The following KIF7 variants were observed in gnomAD, a reference collection of about 807,000 sequenced individuals.
KIF7 encodes the protein kinesin family member 7.
KIF7 carries 104 observed loss-of-function variants against 135.7 expected under a neutral mutation model. The ratio of observed to expected loss-of-function variants is 0.77; its 90% confidence interval spans 0.65 to 0.90. KIF7 has a LOEUF of 0.90. Among genes scored for constraint, KIF7 ranks in the 40% least tolerant of loss-of-function variants. The pLI, the probability that KIF7 is intolerant of heterozygous loss-of-function variation, is 0.00. For missense variants in KIF7, 2,005 were observed against 1,839.1 expected, an observed-to-expected ratio of 1.09 and a Z score of -1.65; for synonymous variants, 883 against 809.4, an observed-to-expected ratio of 1.09 and a Z score of -1.54.
At chr15:89,626,896 A>T, downstream of KIF7, 1 of 1,581,094 alleles carries the variant, frequency 6.3e-7, no homozygotes, top group Non-Finnish European at 8.6e-7. Context: ...ATTTAAGCCA[A>T]TTTTTTTCAG....
intron 15 of KIF7, chr15:89,630,792 G>A (rs1963657237): frequency 4.1e-6 from 2 of 492,980 alleles, no homozygotes; most frequent in Non-Finnish European, 7.5e-6. Flanking sequence ...GACAGCCACG[G>A]AGGCACCACG....
chr15:89,625,712 A>C (rs1963509896), downstream of KIF7: 1 of 1,613,022 alleles, frequency 6.2e-7, no homozygotes. Context: ...GAAGTTAGTA[A>C]GAGTAAAGAG....
chr15:89,645,857 G>A (rs1199417642), intron 8 of KIF7, 36 bp downstream of exon 8: 1 of 1,609,194 alleles, frequency 6.2e-7, no homozygotes, highest in African/African-American at 1.3e-5. Flanking sequence ...GCCCTGAGCA[G>A]GTCCTTGTCA....
Position 89,628,382 on chromosome 15 carries a change from C to G in KIF7, c.*37G>C, listed in dbSNP as rs147387691. 1.3e-6 allele frequency: 2 copies of G among 1,572,480 alleles called. No individual in the cohort carries two copies. The highest frequency in any genetic ancestry group is 2.4e-5 in the South Asian group (2 of 84,526). Reference sequence around the variant, plus strand: ...AGGCAGCTGCCCCTTTCAGCAGGCTCGGAGTCTCCCTCCAAGGCAGGGTCT... The same window carrying G: ...AGGCAGCTGCCCCTTTCAGCAGGCTGGGAGTCTCCCTCCAAGGCAGGGTCT... On this transcript the variant is annotated 3_prime_UTR_variant, in exon 19 of 19. Coordinates refer to ENST00000394412, the MANE Select transcript of KIF7 (RefSeq NM_198525.3).
intron 2 of KIF7, among the ~76,000 whole-genome samples, chr15:89,651,387 C>T (rs1178107994): frequency 5.9e-5 from 9 of 151,886 alleles, no homozygotes; most frequent in Admixed American, 5.2e-4. Flanking sequence ...TGTGAGCCAC[C>T]ACGCCCGGCT....
At position 89,647,700 on chromosome 15, in the gene KIF7, C is replaced by T. The variant is rs776875275; in HGVS notation, c.1456G>A (p.Ala486Thr). 5.8e-5 allele frequency: 91 copies of T among 1,577,242 alleles called. No individual in the cohort carries two copies. Among genetic ancestry groups the T allele is most frequent in the Non-Finnish European group, 7.6e-5 (88 of 1,163,862 alleles). ...TTCTGCAGGGTCAGCAGCTGCTGCG[C>T]CCCCTCATCCTCCTATAGGGCAGGG... ...GAGGRKEDEGAQQLLTLQNQV... is the reference protein window; with the variant it reads ...GAGGRKEDEGTQQLLTLQNQV... Residue 486 changes from alanine to threonine, a missense_variant, in exon 6 of 19, where the codon GCG (alanine) becomes ACG (threonine). Transcript: ENST00000394412.
At chr15:89,636,837 C>T (rs1171485030) in intron 11 of KIF7, among the ~76,000 whole-genome samples, 1 of 149,342 alleles carries the variant, frequency 6.7e-6, no homozygotes, top group Non-Finnish European at 1.5e-5. Context: ...ACCTAATAGA[C>T]ACCTACAGAA....
At chr15:89,625,021 C>T (rs1344185102), downstream of KIF7, 30 of 1,613,936 alleles carry the variant, frequency 1.9e-5, no homozygotes, top group Middle Eastern at 1.6e-4. Context: ...TTCTGGCCTT[C>T]CCAAACTTCG....
Position 89,648,695 on chromosome 15 carries a change from C to T in KIF7, c.1003G>A (p.Glu335Lys). Reference sequence around the variant, plus strand: ...GCGTAGTTGAGGGTGTTGAGGGTCTCGTCGAAGTCGGAGGAGGAAGGGCTG... The same window carrying T: ...GCGTAGTTGAGGGTGTTGAGGGTCTTGTCGAAGTCGGAGGAGGAAGGGCTG... ...CVSPSSSDFDETLNTLNYASR... is the reference protein window; with the variant it reads ...CVSPSSSDFDKTLNTLNYASR... Residue 335 changes from glutamate to lysine, a missense_variant, in exon 5 of 19, where the codon GAG becomes AAG. Transcript: ENST00000394412. 1 of 1,536,080 alleles carries T rather than the reference C, an allele frequency of 6.5e-7. No homozygotes were observed. Among genetic ancestry groups the T allele is most frequent in the Non-Finnish European group, 8.7e-7 (1 of 1,146,452 alleles).
chr15:89,658,839 G>A (rs1292729790), upstream of KIF7, among the ~76,000 whole-genome samples: 2 of 152,032 alleles, frequency 1.3e-5, no homozygotes, highest in Non-Finnish European at 2.9e-5. Context: ...ACTCCAGCCT[G>A]GGTGACAGAG....
At chr15:89,623,951 A>T (rs746968359), downstream of KIF7, 3 of 1,614,084 alleles carry the variant, frequency 1.9e-6, no homozygotes, top group Non-Finnish European at 2.5e-6. Flanking sequence ...ACTTGGCCAC[A>T]TTCAGTGAAT....
chr15:89,631,409 G>T lies in KIF7; in HGVS notation c.3111+86C>A. 3.2e-6 allele frequency: 4 copies of T among 1,246,500 alleles called. No homozygotes were observed. In the South Asian group the frequency reaches 4.2e-5, roughly 13 times the overall value. 77.2% of individuals were successfully genotyped at this position (1,246,500 alleles called of 1,614,324 possible). A position where few individuals can be genotyped will look rare whatever the true frequency, so the allele number is the denominator to read the frequency against. Reference sequence around the variant, plus strand: ...CTGCCGACAGCAAGGCCCAGCACCCGCAGAGGGCTGGAGCAAGGGCTGAGG... The same window carrying T: ...CTGCCGACAGCAAGGCCCAGCACCCTCAGAGGGCTGGAGCAAGGGCTGAGG... On this transcript the variant is annotated intron_variant, in intron 15 of 18. Transcript: ENST00000394412.
At chr15:89,624,556 G>T, downstream of KIF7, 1 of 1,613,728 alleles carries the variant, frequency 6.2e-7, no homozygotes, top group Non-Finnish European at 8.5e-7. Context: ...CAGCCCAGCT[G>T]CCCCCACAGA....
At chr15:89,658,978 G>T (rs528573256), upstream of KIF7, among the ~76,000 whole-genome samples, 75 of 152,244 alleles carry the variant, frequency 4.9e-4, no homozygotes, top group Admixed American at 2.5e-3. Flanking sequence ...TGGTAGGGGA[G>T]AGCTTTTAAA....
Position 89,652,629 on chromosome 15 carries a change from G to A in KIF7, c.302C>T (p.Thr101Ile). The A allele has an allele frequency of 6.5e-7, 1 of 1,540,408 alleles. No individual in the cohort carries two copies. The highest frequency in any genetic ancestry group is 8.8e-7 in the Non-Finnish European group (1 of 1,138,428). ...FAYGQTGSGK[T>I]YTMGEASVAS... The stretch of plus-strand genomic sequence containing the variant: ...CACACTGGCCTCCCCCATGGTGTAT[G>A]TCTTCCCTGAGCCCGTCTGACCATA... The change falls in exon 2 of 19, where the codon ACA becomes ATA. Residue 101 changes from threonine to isoleucine, a missense_variant. Physicochemically the swap from Thr to Ile is moderately conservative, Grantham distance 89 (BLOSUM62 -1). Coordinates refer to ENST00000394412, the MANE Select transcript of KIF7 (RefSeq NM_198525.3).
chr15:89,642,456 G>T, intron 10 of KIF7, 51 bp from the exon 11 acceptor site: 1 of 1,498,266 alleles, frequency 6.7e-7, no homozygotes, highest in Non-Finnish European at 9.0e-7. Context: ...CACCGAGAGG[G>T]CCAGCTGTTT....
At position 89,635,163 on chromosome 15, in the gene KIF7, A is replaced by G. The variant is rs554208132; in HGVS notation, c.2395-1280T>C. ...AACAAACAGAAAGGACATCCACACCAAAAACCCATCTGTACATCACCATCA... is the reference window on the plus strand; with the variant it reads ...AACAAACAGAAAGGACATCCACACCGAAAACCCATCTGTACATCACCATCA... On this transcript the variant is annotated intron_variant, in intron 11 of 18. Coordinates refer to ENST00000394412, the MANE Select transcript of KIF7 (RefSeq NM_198525.3). Among the ~76,000 whole-genome samples, 1,381 of 151,804 alleles carry G rather than the reference A, an allele frequency of 9.1e-3. 27 individuals carry two copies. The highest frequency in any genetic ancestry group is 0.032 in the African/African-American group (1,328 of 41,106).
chr15:89,632,648 C>T (rs960514788), intron 14 of KIF7, among the ~76,000 whole-genome samples, 172 bp downstream of exon 14: 7 of 152,112 alleles, frequency 4.6e-5, no homozygotes, highest in African/African-American at 1.7e-4. Context: ...CTGTCTAGAC[C>T]TCGCCTGGCA....
At chr15:89,618,235 T>C in intron 1 of KIF7, 3 of 1,604,394 alleles carry the variant, frequency 1.9e-6, no homozygotes, top group Non-Finnish European at 2.6e-6. Context: ...TTTTTGTTTT[T>C]AATGCAATCT....
Sources: allele counts gnomAD v4.1 joint callset (sites outside exome capture counted in the v4.1 genomes callset), GRCh38; gene constraint gnomAD v4.1.1; transcripts MANE v1.5; gene names NCBI Gene and HGNC (gene_info 2026-07-23, HGNC 2026-07-21).